The following MAP3K7CL variants were observed in gnomAD, a reference collection of about 807,000 sequenced individuals.
MAP3K7CL encodes MAP3K7 C-terminal-like protein.
In MAP3K7CL, 16 loss-of-function variants were observed where a neutral mutation model predicts 18.6. The observed-to-expected ratio is 0.86, with a 90% confidence interval of 0.58 to 1.31. The LOEUF is 1.31. Among genes scored for constraint, MAP3K7CL ranks in the 50% most tolerant of loss-of-function variants. MAP3K7CL has a pLI of 0.00. For missense variants in MAP3K7CL, 163 were observed against 174.4 expected, an observed-to-expected ratio of 0.93 and a Z score of 0.37; for synonymous variants, 65 against 66.8, an observed-to-expected ratio of 0.97 and a Z score of 0.13.
At chr21:29,094,103 A>G (rs929668206) in intron 4 of MAP3K7CL, among the ~76,000 whole-genome samples, 1 of 152,198 alleles carries the variant, frequency 6.6e-6, no homozygotes, top group Admixed American at 6.5e-5. Context: ...ATGGTTCTCA[A>G]CTGGGGGCAA....
At chr21:29,102,054 T>A in intron 4 of MAP3K7CL, among the ~76,000 whole-genome samples, 1 of 152,230 alleles carries the variant, frequency 6.6e-6, no homozygotes, top group African/African-American at 2.4e-5. Context: ...GTACCAAGAT[T>A]GGGGCTAAAT....
chr21:29,169,033 C>T (rs902970107), intron 4 of MAP3K7CL, among the ~76,000 whole-genome samples: 2 of 152,186 alleles, frequency 1.3e-5, no homozygotes, highest in African/African-American at 4.8e-5. Context: ...ACACCTGCCC[C>T]ACCCTACATT....
chr21:29,114,110 C>A (rs1292615358), intron 4 of MAP3K7CL, among the ~76,000 whole-genome samples: 1 of 151,802 alleles, frequency 6.6e-6, no homozygotes, highest in Non-Finnish European at 1.5e-5. Flanking sequence ...GCTCTGTCAC[C>A]CAGGCTGGAG....
intron 4 of MAP3K7CL, among the ~76,000 whole-genome samples, chr21:29,102,802 T>A (rs1226452671): frequency 6.6e-6 from 1 of 152,202 alleles, no homozygotes. Context: ...TCTCTTGGAT[T>A]ATGGACTCTG....
intron 2 of MAP3K7CL, among the ~76,000 whole-genome samples, chr21:29,138,590 G>A (rs1194857634): frequency 1.3e-5 from 2 of 152,168 alleles, no homozygotes; most frequent in East Asian, 1.9e-4. Context: ...AATTCTTTCT[G>A]TCTTTTGCAT....
intron 2 of MAP3K7CL, among the ~76,000 whole-genome samples, chr21:29,139,548 C>G (rs2086957756): frequency 6.6e-6 from 1 of 152,110 alleles, no homozygotes; most frequent in Non-Finnish European, 1.5e-5. Context: ...CTCATCTGCA[C>G]TAAGCTATAA....
At chr21:29,091,765 T>C in intron 3 of MAP3K7CL, 1 of 702,542 alleles carries the variant, frequency 1.4e-6, no homozygotes, top group Non-Finnish European at 2.6e-6. Context: ...ATTACAGGTA[T>C]GAACTACTGC....
chr21:29,162,311 C>CTT (rs146989290), intron 4 of MAP3K7CL, among the ~76,000 whole-genome samples: 91 of 142,716 alleles, frequency 6.4e-4, no homozygotes, highest in South Asian at 3.6e-3. Context: ...TTATGTGTAG[C>CTT]TTTTTTTTTT....
chr21:29,090,238 A>G (rs562918041), intron 1 of MAP3K7CL, among the ~76,000 whole-genome samples: 5 of 152,312 alleles, frequency 3.3e-5, no homozygotes, highest in African/African-American at 9.6e-5. Flanking sequence ...AAGAGGACAC[A>G]ATGTTTTATA....
chr21:29,082,150 T>C (rs187284525), upstream of MAP3K7CL, among the ~76,000 whole-genome samples: 150 of 152,350 alleles, frequency 9.8e-4, no homozygotes, highest in African/African-American at 3.3e-3. Flanking sequence ...AGAGTAAAAG[T>C]AATAAGTATT....
chr21:29,127,742 A>T (rs2086703856), upstream of MAP3K7CL: 1 of 152,116 alleles, frequency 6.6e-6, no homozygotes, highest in South Asian at 2.1e-4. Context: ...TTTTGATGTC[A>T]TGAGGACGTA....
intron 2 of MAP3K7CL, among the ~76,000 whole-genome samples, chr21:29,136,111 A>G (rs1189738981): frequency 1.3e-5 from 2 of 152,210 alleles, no homozygotes; most frequent in Non-Finnish European, 2.9e-5. Flanking sequence ...ACCTCCTCCT[A>G]TGTTTTATGC....
At chr21:29,096,423 G>A (rs2086122814) in intron 4 of MAP3K7CL, among the ~76,000 whole-genome samples, 1 of 152,174 alleles carries the variant, frequency 6.6e-6, no homozygotes, top group South Asian at 2.1e-4. Flanking sequence ...GATAGGGAAA[G>A]CACAAAGTGC....
chr21:29,142,139 A>G (rs532355257), intron 2 of MAP3K7CL, among the ~76,000 whole-genome samples: 13 of 151,994 alleles, frequency 8.6e-5, no homozygotes, highest in Non-Finnish European at 1.8e-4. Context: ...ATCTCTGCTC[A>G]CTGCATCCTC....
intron 3 of MAP3K7CL, among the ~76,000 whole-genome samples, chr21:29,151,047 G>A (rs2087260615): frequency 6.6e-6 from 1 of 151,826 alleles, no homozygotes; most frequent in African/African-American, 2.4e-5. Flanking sequence ...TAGGATTGCA[G>A]GCGTGAGCCA....
At chr21:29,087,739 TCCC>T in intron 1 of MAP3K7CL, among the ~76,000 whole-genome samples, 1 of 151,586 alleles carries the variant, frequency 6.6e-6, no homozygotes, top group Non-Finnish European at 1.5e-5. Context: ...GACCACAGGC[TCCC>T]ACCACCACGA....
intron 4 of MAP3K7CL, among the ~76,000 whole-genome samples, chr21:29,161,166 C>T (rs973090964): frequency 7.9e-5 from 12 of 152,034 alleles, no homozygotes; most frequent in South Asian, 6.2e-4. Flanking sequence ...AAAAATTAGC[C>T]GGGTGTGGTG....
intron 4 of MAP3K7CL, among the ~76,000 whole-genome samples, chr21:29,124,090 C>T (rs553433280): frequency 1.2e-4 from 19 of 152,248 alleles, no homozygotes; most frequent in Admixed American, 9.2e-4. Context: ...GGTGGTGGCT[C>T]ATGCCTGTAA....
At chr21:29,108,325 G>T (rs983954167) in intron 4 of MAP3K7CL, among the ~76,000 whole-genome samples, 3 of 152,156 alleles carry the variant, frequency 2.0e-5, no homozygotes, top group Non-Finnish European at 4.4e-5. Context: ...TGCAAGCTAC[G>T]AAGAGAGCCC....
Sources: gnomAD v4.1 joint callset for allele counts (sites outside exome capture counted in the v4.1 genomes callset) on GRCh38, gnomAD v4.1.1 for gene constraint, MANE v1.5 for transcripts, NCBI Gene and HGNC (gene_info 2026-07-23, HGNC 2026-07-21) for gene names.